The following SCG3 variants were observed in gnomAD, a reference collection of about 807,000 sequenced individuals.
SCG3 encodes secretogranin III, also known as secretogranin-3.
SCG3 carries 38 observed loss-of-function variants against 56.2 expected under a neutral mutation model. That is an observed-to-expected ratio of 0.68 (90% CI 0.52 to 0.89). The LOEUF is 0.89. SCG3 is among the 40% of genes least tolerant of loss of function. The pLI, the probability that SCG3 is intolerant of heterozygous loss-of-function variation, is 0.00. For missense variants in SCG3, 524 were observed against 540.7 expected (o/e 0.97, Z 0.31); for synonymous variants, 176 against 184.2 (o/e 0.96, Z 0.36).
At chr15:51,684,778 AAACT>A (rs2055217703) in intron 4 of SCG3, among the ~76,000 whole-genome samples, 1 of 152,230 alleles carries the variant, frequency 6.6e-6, no homozygotes, top group Non-Finnish European at 1.5e-5. Context: ...CCTTTCTCCA[AAACT>A]AAACTGAAAA....
chr15:51,707,050 T>C (rs183717743), intron 10 of SCG3, among the ~76,000 whole-genome samples: 7 of 152,348 alleles, frequency 4.6e-5, no homozygotes, highest in African/African-American at 7.2e-5. Context: ...TATTTCATTA[T>C]CTAAGTGTGG....
intron 8 of SCG3, among the ~76,000 whole-genome samples, chr15:51,696,469 T>G (rs2055304316): frequency 6.6e-6 from 1 of 152,066 alleles, no homozygotes; most frequent in Non-Finnish European, 1.5e-5. Context: ...AGAATCACTT[T>G]GGGCCCAGGA....
At chr15:51,694,534 A>G (rs2055289320) in intron 7 of SCG3, among the ~76,000 whole-genome samples, 1 of 151,894 alleles carries the variant, frequency 6.6e-6, no homozygotes, top group Admixed American at 6.6e-5. Flanking sequence ...GGGAAAGGCT[A>G]GGAGTATTTA....
At position 51,701,126 on chromosome 15, in the gene SCG3, T is replaced by C. The variant is rs751055852; in HGVS notation, c.1089T>C (p.His363=). 1 of 1,613,710 alleles carries C rather than the reference T, an allele frequency of 6.2e-7. No homozygotes were observed. The highest frequency in any genetic ancestry group is 8.5e-7 in the Non-Finnish European group (1 of 1,179,926). Residue 363 remains histidine, a synonymous_variant, in exon 10 of 12, where the codon CAT becomes CAC. Transcript: ENST00000220478. ...TTACAGCACCATCAGAGAAGAGTCA[T>C]GAAGAAACAGACAGTACCAAGGAAG... ...KLFPAPSEKS[H]EETDSTKEEA... is the part of the protein sequence containing the mutation.
intron 11 of SCG3, 146 bp downstream of exon 11, chr15:51,713,559 G>A (rs1838930765): frequency 1.9e-6 from 1 of 525,958 alleles, no homozygotes; most frequent in South Asian, 2.5e-5. Context: ...AGATACAGAG[G>A]GGAACAGAAC....
intron 6 of SCG3, among the ~76,000 whole-genome samples, chr15:51,690,518 G>A (rs577743143): frequency 1.3e-5 from 2 of 151,474 alleles, no homozygotes; most frequent in East Asian, 3.9e-4. Flanking sequence ...AATTGGGTCT[G>A]GATTTCTTTT....
intron 10 of SCG3, chr15:51,708,264 C>T (rs1595838865): frequency 6.6e-6 from 1 of 152,192 alleles, no homozygotes; most frequent in Non-Finnish European, 1.5e-5. Context: ...AAAAGATTTG[C>T]TTTACAGCTC....
intron 10 of SCG3, chr15:51,707,953 A>T (rs970436243): frequency 1.3e-5 from 2 of 152,226 alleles, no homozygotes; most frequent in African/African-American, 4.8e-5. Context: ...AACCCTATTG[A>T]TTTATACACT....
At chr15:51,689,472 G>A in intron 6 of SCG3, 104 bp downstream of exon 6, 1 of 1,371,908 alleles carries the variant, frequency 7.3e-7, no homozygotes, top group Non-Finnish European at 9.7e-7. Flanking sequence ...TGATACCAAA[G>A]AAGATTTGAG....
chr15:51,709,960 T>C (rs1361967045), intron 10 of SCG3, among the ~76,000 whole-genome samples: 1 of 145,330 alleles, frequency 6.9e-6, no homozygotes, highest in Non-Finnish European at 1.5e-5. Flanking sequence ...ATGGTCTGGA[T>C]CTCCTGACCT....
At chr15:51,709,730 T>TTA (rs2055406983) in intron 10 of SCG3, among the ~76,000 whole-genome samples, 1 of 76,230 alleles carries the variant, frequency 1.3e-5, no homozygotes, top group Non-Finnish European at 2.6e-5. Flanking sequence ...TTTTTTTTTT[T>TTA]TTTTTTTTGA....
At position 51,683,296 on chromosome 15, in the gene SCG3, A is replaced by G. The variant is rs1402741056; in HGVS notation, c.259A>G (p.Ile87Val). 3.1e-6 allele frequency: 5 copies of G among 1,613,876 alleles called. No homozygotes were observed. Among genetic ancestry groups the G allele is most frequent in the Non-Finnish European group, 4.2e-6 (5 of 1,179,812 alleles). The change falls in exon 4 of 12, where the codon ATT becomes GTT. Residue 87 changes from isoleucine (I) to valine (V), a missense_variant. Ile to Val is a conservative substitution (Grantham distance 29, BLOSUM62 3). Coordinates refer to ENST00000220478, the MANE Select transcript of SCG3 (RefSeq NM_013243.4). ...LLKAITEKEK[I>V]EKERQSIRSS... ...AAAGGCAATAACAGAAAAGGAAAAA[A>G]TTGAGAAAGAAAGACAATCTATAAG...
intron 10 of SCG3, among the ~76,000 whole-genome samples, chr15:51,709,877 C>CG (rs1268289517): frequency 7.2e-6 from 1 of 139,004 alleles, no homozygotes; most frequent in Admixed American, 7.2e-5. Context: ...CCCACCAACA[C>CG]GCCCGGCTAA....
intron 7 of SCG3, 41 bp downstream of exon 7, chr15:51,692,377 T>A: frequency 5.8e-6 from 9 of 1,554,160 alleles, no homozygotes; most frequent in Non-Finnish European, 7.9e-6. Context: ...ACAGAAAGAG[T>A]GATTCCAGGA....
chr15:51,705,546 G>A (rs1341798409), intron 10 of SCG3, among the ~76,000 whole-genome samples: 1 of 150,196 alleles, frequency 6.7e-6, no homozygotes, highest in African/African-American at 2.5e-5. Context: ...TCCCGAGACA[G>A]AGTCTCTATC....
intron 11 of SCG3, among the ~76,000 whole-genome samples, chr15:51,717,379 A>AG (rs2055464323): frequency 1.3e-5 from 2 of 151,798 alleles, no homozygotes; most frequent in South Asian, 4.2e-4. Flanking sequence ...AAAAAAAAAA[A>AG]AAAATTAGCC....
At chr15:51,707,194 T>G (rs1291966447) in intron 10 of SCG3, among the ~76,000 whole-genome samples, 3 of 152,206 alleles carry the variant, frequency 2.0e-5, no homozygotes, top group Admixed American at 1.3e-4. Flanking sequence ...ATCATTTAAG[T>G]TTACGGCTGG....
chr15:51,686,270 A>G (rs1198906277), intron 4 of SCG3, among the ~76,000 whole-genome samples: 3 of 152,206 alleles, frequency 2.0e-5, no homozygotes, highest in African/African-American at 7.2e-5. Context: ...GTGAGGAGCA[A>G]TGGTCACACG....
intron 10 of SCG3, among the ~76,000 whole-genome samples, chr15:51,711,936 A>C (rs1003882936): frequency 1.3e-5 from 2 of 152,204 alleles, no homozygotes; most frequent in Non-Finnish European, 2.9e-5. Flanking sequence ...AGATGCTCAG[A>C]GAGTCACTTA....
Sources: gnomAD v4.1 joint callset for allele counts (sites outside exome capture counted in the v4.1 genomes callset) on GRCh38, gnomAD v4.1.1 for gene constraint, MANE v1.5 for transcripts, NCBI Gene and HGNC (gene_info 2026-07-23, HGNC 2026-07-21) for gene names.